Variants in KLF8 observed in about 807,000 individuals in gnomAD.
KLF8 encodes Krueppel-like factor 8.
KLF8 carries 10 observed loss-of-function variants against 18.2 expected under a neutral mutation model. The ratio of observed to expected loss-of-function variants is 0.55; its 90% confidence interval spans 0.34 to 0.93. The LOEUF (loss-of-function observed/expected upper bound fraction) is 0.93, where lower values mean the gene tolerates loss of function less well. Ranked by LOEUF, KLF8 falls within the 40% of genes least tolerant of loss-of-function variation. The probability of loss-of-function intolerance (pLI) is 0.02; values close to 1 mark genes in which losing one functional copy is unlikely to be tolerated. For synonymous variants in KLF8, 109 were observed against 97.3 expected (o/e 1.12, Z -0.71); for missense variants, 264 against 277.9 (o/e 0.95, Z 0.36).
chrX:55,999,791 C>CA, the KLF8 span, among the ~76,000 whole-genome samples: 3 of 110,855 alleles, frequency 2.7e-5, no homozygotes, highest in African/African-American at 3.3e-5. Context: ...ATATCATTGG[C>CA]AAAAAAAGAT....
At chrX:56,014,606 A>G in the KLF8 span, among the ~76,000 whole-genome samples, 1 of 111,729 alleles carries the variant, frequency 9.0e-6, no homozygotes. Context: ...ATATCATTTG[A>G]CCCAGCAGTC....
At chrX:56,065,648 G>T in the KLF8 span, among the ~76,000 whole-genome samples, 1 of 110,851 alleles carries the variant, frequency 9.0e-6, no homozygotes, top group Non-Finnish European at 1.9e-5. Context: ...TGATATCTGT[G>T]TATCTAATGT....
At chrX:56,011,992 A>T in the KLF8 span, among the ~76,000 whole-genome samples, 1 of 111,800 alleles carries the variant, frequency 8.9e-6, no homozygotes, top group South Asian at 3.8e-4. Flanking sequence ...TCCCAGGACC[A>T]GACGGATTTA....
At chrX:56,252,350 A>G (rs1035744109) in intron 2 of KLF8, among the ~76,000 whole-genome samples, 1 of 111,208 alleles carries the variant, frequency 9.0e-6, no homozygotes, top group Non-Finnish European at 1.9e-5. Flanking sequence ...ATTCACCATG[A>G]CCACCTCCTC....
In KLF8 at chrX:56,285,310, G is replaced by A. The variant is rs1342296932; in HGVS notation, c.*816G>A. The A allele has an allele frequency of 8.9e-6, 1 of 111,965 alleles. No individual in the cohort carries two copies. Among genetic ancestry groups the A allele is most frequent in the African/African-American group, 3.3e-5 (1 of 30,736 alleles). The allele number at this position is 111,965 out of a possible 1,213,427, so 9.2% of individuals were successfully genotyped here. A position where few individuals can be genotyped will look rare whatever the true frequency, so the allele number is the denominator to read the frequency against. ...GTAAGGAGAAAAATGTTCCAGGAGA[G>A]TAGGTTGGGCAGTGACAGGAACAAA... On this transcript the variant is annotated 3_prime_UTR_variant, in exon 6 of 6. Coordinates refer to ENST00000468660, the MANE Select transcript of KLF8 (RefSeq NM_007250.5).
chrX:56,048,688 A>C, the KLF8 span, among the ~76,000 whole-genome samples: 2 of 111,685 alleles, frequency 1.8e-5, no homozygotes, highest in Non-Finnish European at 3.8e-5. Context: ...GTATAGTTTG[A>C]AGTCAGGTAG....
the KLF8 span, among the ~76,000 whole-genome samples, chrX:56,035,050 C>A: frequency 3.2e-4 from 36 of 111,399 alleles, no homozygotes; most frequent in African/African-American, 1.1e-3. Context: ...CCACAGCGCC[C>A]GGCCGAACTT....
chrX:55,944,623 G>A, the KLF8 span, among the ~76,000 whole-genome samples: 1 of 111,616 alleles, frequency 9.0e-6, no homozygotes, highest in Non-Finnish European at 1.9e-5. Context: ...TTGCGTAGAG[G>A]TGTTTATATA....
chrX:56,053,192 G>A, the KLF8 span, among the ~76,000 whole-genome samples: 74 of 112,297 alleles, frequency 6.6e-4, no homozygotes, highest in South Asian at 1.5e-3. Flanking sequence ...AGATGAACCC[G>A]GTACCTCAGA....
chrX:55,970,249 AG>A, the KLF8 span, among the ~76,000 whole-genome samples: 2 of 111,362 alleles, frequency 1.8e-5, no homozygotes, highest in Non-Finnish European at 3.8e-5. Flanking sequence ...ATTTATTCCA[AG>A]GGGTCAAGAC....
At chrX:56,246,111 CATT>C (rs1461106453) in intron 1 of KLF8, among the ~76,000 whole-genome samples, 1 of 111,582 alleles carries the variant, frequency 9.0e-6, no homozygotes, top group African/African-American at 3.3e-5. Flanking sequence ...ATGGCTGAGA[CATT>C]ATTAATTGTC....
chrX:56,095,491 CAA>C, the KLF8 span, among the ~76,000 whole-genome samples: 1 of 107,056 alleles, frequency 9.3e-6, no homozygotes, highest in Non-Finnish European at 1.9e-5. Flanking sequence ...TTCTGCACAG[CAA>C]AAAAAAAGCT....
chrX:56,180,013 G>T, the KLF8 span, among the ~76,000 whole-genome samples: 8 of 111,390 alleles, frequency 7.2e-5, no homozygotes, highest in Non-Finnish European at 1.9e-5. Context: ...CATAAAATGA[G>T]TTAGGGAGGA....
the KLF8 span, among the ~76,000 whole-genome samples, chrX:56,199,489 T>C: frequency 8.9e-6 from 1 of 111,832 alleles, no homozygotes; most frequent in Non-Finnish European, 1.9e-5. Flanking sequence ...CATGAAAAAA[T>C]GCTCATCACT....
rs185205982 is a variant in KLF8 at position 56,284,883 on chromosome X, A to C, written c.*389A>C. ...TTTTCTCTTGTTTTCTAGAACTCTT[A>C]TCCATATGTTTTTAAAATAAGTACC... On this transcript the variant is annotated 3_prime_UTR_variant, in exon 6 of 6. Transcript: ENST00000468660. The C allele has an allele frequency of 7.5e-6, 1 of 132,724 alleles. No individual in the cohort carries two copies. The highest frequency in any genetic ancestry group is 3.1e-5 in the African/African-American group (1 of 31,829). The allele number at this position is 132,724 out of a possible 1,213,427, so 10.9% of individuals were successfully genotyped here.
the KLF8 span, among the ~76,000 whole-genome samples, chrX:56,217,773 C>A: frequency 1.8e-5 from 2 of 111,328 alleles, no homozygotes; most frequent in African/African-American, 6.5e-5. Context: ...AGAGTTAGAG[C>A]AGAAGCAGAT....
chrX:56,132,729 G>T, the KLF8 span, among the ~76,000 whole-genome samples: 1 of 111,283 alleles, frequency 9.0e-6, no homozygotes, highest in Admixed American at 9.6e-5. Flanking sequence ...ACAAAAAGCT[G>T]GTTATTTGAA....
At chrX:56,162,322 C>T in the KLF8 span, among the ~76,000 whole-genome samples, 5 of 112,062 alleles carry the variant, frequency 4.5e-5, no homozygotes, top group Non-Finnish European at 7.5e-5. Context: ...TTTAATTCTG[C>T]AGAGTTTTCT....
At chrX:55,959,407 C>A in the KLF8 span, among the ~76,000 whole-genome samples, 1 of 111,944 alleles carries the variant, frequency 8.9e-6, no homozygotes, top group East Asian at 2.8e-4. Context: ...AGCAATGGTT[C>A]TTAACCAGAC....
Sources: allele counts gnomAD v4.1 joint callset (sites outside exome capture counted in the v4.1 genomes callset), GRCh38; gene constraint gnomAD v4.1.1; transcripts MANE v1.5; gene names NCBI Gene and HGNC (gene_info 2026-07-23, HGNC 2026-07-21).